ACSF3: variants seen among roughly 807,000 people sequenced by gnomAD.
ACSF3 encodes the protein acyl-CoA synthetase family member 3.
Under a neutral mutation model 53.2 loss-of-function variants are expected in ACSF3, and 78 were observed. The observed-to-expected ratio is 1.47, with a 90% CI of 1.22 to 1.77. The LOEUF (loss-of-function observed/expected upper bound fraction) is 1.77. Among genes scored for constraint, ACSF3 ranks in the 40% most tolerant of loss-of-function variants. ACSF3 has a pLI of 0.00. For missense variants in ACSF3, 937 were observed against 771.1 expected (o/e 1.22, Z -2.55); for synonymous variants, 414 against 333.1 (o/e 1.24, Z -2.65).
intron 10 of ACSF3, chr16:89,151,004 A>G (rs1482778030): frequency 7.8e-7 from 1 of 1,285,744 alleles, no homozygotes; most frequent in Non-Finnish European, 1.0e-6. Flanking sequence ...AAATTTCCCC[A>G]AACCAAAGGT....
At chr16:89,124,359 C>T (rs1363142270) in intron 7 of ACSF3, among the ~76,000 whole-genome samples, 1 of 150,498 alleles carries the variant, frequency 6.6e-6, no homozygotes, top group East Asian at 1.9e-4. Context: ...GTGTGATACC[C>T]CTGTGCACAC....
At chr16:89,123,970 C>T (rs866940324) in intron 7 of ACSF3, among the ~76,000 whole-genome samples, 8 of 152,052 alleles carry the variant, frequency 5.3e-5, no homozygotes, top group African/African-American at 1.2e-4. Flanking sequence ...GGATAGCACA[C>T]GTAGTACGCA....
At chr16:89,120,320 C>T (rs1906315533) in intron 6 of ACSF3, among the ~76,000 whole-genome samples, 1 of 152,244 alleles carries the variant, frequency 6.6e-6, no homozygotes, top group African/African-American at 2.4e-5. Context: ...GGACATAGGG[C>T]AGATCCTGCC....
chr16:89,097,133 T>C (rs1974713965), intron 1 of ACSF3, among the ~76,000 whole-genome samples: 1 of 152,244 alleles, frequency 6.6e-6, no homozygotes, highest in Non-Finnish European at 1.5e-5. Flanking sequence ...GGCTGTGCTC[T>C]GGTAGTGTGT....
In ACSF3 at chr16:89,101,318, C is replaced by G; in HGVS notation, c.637C>G (p.Leu213Val). ...SGTTGRPKGV[L>V]STHQNIRAVV... ...GACCACGGGGAGGCCCAAGGGCGTG[C>G]TGAGCACGCACCAAAACATCAGGGC... Residue 213 changes from leucine (L) to valine (V), a missense_variant, in exon 3 of 11, where the codon CTG becomes GTG. Transcript: ENST00000614302. The G allele has an allele frequency of 1.3e-6, 2 of 1,596,260 alleles. No homozygotes were observed. Among genetic ancestry groups the G allele is most frequent in the East Asian group, 2.3e-5 (1 of 43,960 alleles).
At chr16:89,106,296 A>ATTTT (rs11393084) in intron 4 of ACSF3, among the ~76,000 whole-genome samples, 1 of 147,258 alleles carries the variant, frequency 6.8e-6, no homozygotes, top group African/African-American at 2.5e-5. Context: ...TGAAAACTTA[A>ATTTT]TTTTTTTTTT....
chr16:89,114,750 G>A, intron 6 of ACSF3: 1 of 551,532 alleles, frequency 1.8e-6, no homozygotes, highest in South Asian at 1.9e-5. Flanking sequence ...GGAGACAATG[G>A]GAAGAACAGC....
rs1002589366 is a variant in ACSF3, at chr16:89,150,978, G to A, written c.1614-3112G>A. On this transcript the variant is annotated intron_variant, in intron 10 of 10. Transcript: ENST00000614302. ...GAGTTCCAACAAGAAGATATCCAGG[G>A]AGGAAATTCACAGTCAAATTTCCCC... is the stretch of plus-strand genomic sequence containing the variant. The A allele has an allele frequency of 3.4e-5, 44 of 1,283,478 alleles. No individual in the cohort carries two copies. The African/African-American group carries it at 6.5e-4, about 19-fold the overall frequency. 79.5% of individuals were successfully genotyped at this position (1,283,478 alleles called of 1,614,324 possible).
chr16:89,116,653 C>G (rs1905166887), intron 6 of ACSF3, among the ~76,000 whole-genome samples: 1 of 152,186 alleles, frequency 6.6e-6, no homozygotes, highest in Non-Finnish European at 1.5e-5. Context: ...CCTGCTGCAA[C>G]AGTGCCCAGG....
intron 10 of ACSF3, among the ~76,000 whole-genome samples, chr16:89,146,449 A>T (rs1912978041): frequency 1.3e-5 from 2 of 152,140 alleles, no homozygotes; most frequent in Admixed American, 1.3e-4. Context: ...CCGCCAGGCC[A>T]CAGGCAGCCT....
At chr16:89,133,396 G>A in intron 8 of ACSF3, 134 bp downstream of exon 8, 2 of 1,251,978 alleles carry the variant, frequency 1.6e-6, no homozygotes, top group Non-Finnish European at 2.2e-6. Flanking sequence ...GGGTGGAGTG[G>A]GGCTGGGGGC....
intron 8 of ACSF3, 148 bp from the exon 9 acceptor site, chr16:89,145,119 T>TG: frequency 6.3e-7 from 1 of 1,594,702 alleles, no homozygotes; most frequent in African/African-American, 1.3e-5. Flanking sequence ...GTTTCTCCGT[T>TG]GGGGTTGCCA....
At chr16:89,122,452 C>A in intron 7 of ACSF3, 1 of 444,450 alleles carries the variant, frequency 2.2e-6, no homozygotes, top group Non-Finnish European at 4.5e-6. Flanking sequence ...GGCTGCTGGC[C>A]ACACCCCACA....
intron 6 of ACSF3, among the ~76,000 whole-genome samples, chr16:89,118,856 A>G (rs1905870927): frequency 6.6e-6 from 1 of 152,172 alleles, no homozygotes; most frequent in Admixed American, 6.5e-5. Flanking sequence ...TGTGGCAGGA[A>G]GGCAGTGCCC....
chr16:89,093,905 G>A lies in ACSF3; in HGVS notation c.-285G>A. 3.0e-6 allele frequency: 1 copy of A among 328,468 alleles called. No homozygotes were observed. The highest frequency in any genetic ancestry group is 2.1e-5 in the South Asian group (1 of 47,766). 20.3% of individuals were successfully genotyped at this position (328,468 alleles called of 1,614,324 possible). On this transcript the variant is annotated 5_prime_UTR_variant, in exon 1 of 11. Coordinates refer to ENST00000614302, the MANE Select transcript of ACSF3 (RefSeq NM_001243279.3). ...CTCACGACCCCGCGGGACCCGGCCG[G>A]AACCCGGCCCGACCCCGGCGCGCGC...
At chr16:89,131,475 G>T (rs1487886600) in intron 7 of ACSF3, among the ~76,000 whole-genome samples, 1 of 152,106 alleles carries the variant, frequency 6.6e-6, no homozygotes, top group Non-Finnish European at 1.5e-5. Flanking sequence ...TCTCAGTGCT[G>T]TTGTATTCTT....
At chr16:89,096,948 G>A (rs4782466) in intron 1 of ACSF3, among the ~76,000 whole-genome samples, 99,928 of 152,202 alleles carry the variant, frequency 0.66, 33,760 homozygotes, top group Admixed American at 0.75. Context: ...TCTGGATTCC[G>A]CGCAGGAGAA....
In ACSF3 at chr16:89,133,295, C is replaced by T. The variant is rs1909720321; in HGVS notation, c.1366+33C>T. The T allele has an allele frequency of 1.9e-6, 3 of 1,613,278 alleles. No individual in the cohort carries two copies. The Admixed American group carries it at 5.0e-5, about 27-fold the overall frequency. ...CCAGCCCCATGGGAGTGGAGGAGACCCCGAGGGGACAGGCAGGAACTCATT... is the reference window on the plus strand; with the variant it reads ...CCAGCCCCATGGGAGTGGAGGAGACTCCGAGGGGACAGGCAGGAACTCATT... On this transcript the variant is annotated intron_variant, in intron 8 of 10. Transcript: ENST00000614302.
intron 4 of ACSF3, among the ~76,000 whole-genome samples, chr16:89,104,064 G>T (rs1041049898): frequency 2.0e-5 from 3 of 152,168 alleles, no homozygotes; most frequent in Non-Finnish European, 4.4e-5. Context: ...CTGACTGCAG[G>T]CAAGAGTCAC....
Sources: allele counts gnomAD v4.1 joint callset (sites outside exome capture counted in the v4.1 genomes callset), GRCh38; gene constraint gnomAD v4.1.1; transcripts MANE v1.5; gene names NCBI Gene and HGNC (gene_info 2026-07-23, HGNC 2026-07-21).